Variants in KDM2B observed in about 807,000 individuals in gnomAD.
KDM2B encodes the protein lysine demethylase 2B.
Under a neutral mutation model 150.0 loss-of-function variants are expected in KDM2B, and 26 were observed. That is an observed-to-expected ratio of 0.17 (90% CI 0.13 to 0.24). The LOEUF is 0.24. Ranked by LOEUF, KDM2B falls within the 10% of genes least tolerant of loss-of-function variation. The probability of loss-of-function intolerance (pLI) is 1.00; values close to 1 mark genes in which losing one functional copy is unlikely to be tolerated. For synonymous variants in KDM2B, 734 were observed against 729.5 expected (o/e 1.01, Z -0.10); for missense variants, 1,265 against 1,816.9 (o/e 0.70, Z 5.52).
At chr12:121,427,088 C>T (rs1333084949), downstream of KDM2B, among the ~76,000 whole-genome samples, 1 of 152,300 alleles carries the variant, frequency 6.6e-6, no homozygotes, top group Middle Eastern at 3.4e-3. Context: ...GAGGAAGGGA[C>T]AGAGCCTCTT....
intron 9 of KDM2B, chr12:121,516,540 G>A (rs1459190766): frequency 1.8e-5 from 26 of 1,434,362 alleles, no homozygotes; most frequent in African/African-American, 4.3e-5. Flanking sequence ...TTAAACATAC[G>A]GTTGCTCAAC....
the KDM2B span, chr12:121,420,574 C>T: frequency 6.2e-7 from 1 of 1,614,014 alleles, no homozygotes. Context: ...TCTGTGGTTT[C>T]AGAACCCCGG....
At chr12:121,475,309 C>T (rs1881245431) in intron 12 of KDM2B, among the ~76,000 whole-genome samples, 1 of 151,312 alleles carries the variant, frequency 6.6e-6, no homozygotes, top group African/African-American at 2.4e-5. Flanking sequence ...AACTTGGAGG[C>T]CAGGTGTGGA....
rs985286343 is a variant in KDM2B at position 121,521,209 on chromosome 12, G to A, written c.932-109C>T. 5 of 722,818 alleles carry A rather than the reference G, an allele frequency of 6.9e-6. No individual in the cohort carries two copies. Among genetic ancestry groups the A allele is most frequent in the African/African-American group, 1.8e-5 (1 of 56,790 alleles). 44.8% of individuals were successfully genotyped at this position (722,818 alleles called of 1,614,324 possible). ...AGCGTGCAGGAGGGTGCAGGGAGTG[G>A]AGAAGAGCAGCCAGGGCCTGGGGCA... On this transcript the variant is annotated intron_variant, in intron 8 of 22. Transcript: ENST00000377071. The surrounding 1 kb of genome is among the most constrained non-coding windows in gnomAD (Gnocchi z 4.9).
intron 6 of KDM2B, chr12:121,536,073 T>G: frequency 1.0e-6 from 1 of 985,768 alleles, no homozygotes; most frequent in South Asian, 4.7e-5. Context: ...AGGGAAGGAA[T>G]GGGGCGGGGA....
In KDM2B at chr12:121,519,329, G is replaced by A; in HGVS notation, c.1047+1656C>T. ...GGCTTGGTACAGAGCAGGTGCCCTTGTGAGACCTCTCCTTAGATCTATGCA... is the reference window on the plus strand; with the variant it reads ...GGCTTGGTACAGAGCAGGTGCCCTTATGAGACCTCTCCTTAGATCTATGCA... On this transcript the variant is annotated intron_variant, in intron 9 of 22. Transcript: ENST00000377071. 1.3e-5 allele frequency among the ~76,000 whole-genome samples: 2 copies of A among 152,236 alleles called. 1 individual carries two copies. Among genetic ancestry groups the A allele is most frequent in the East Asian group, 3.8e-4 (2 of 5,204 alleles).
intron 1 of KDM2B, chr12:121,580,439 G>A: frequency 8.6e-7 from 1 of 1,161,916 alleles, no homozygotes; most frequent in Non-Finnish European, 1.1e-6. Context: ...TAGCGCCGTG[G>A]CATCGCTGTT....
chr12:121,566,401 C>T (rs1890707440), intron 4 of KDM2B, among the ~76,000 whole-genome samples: 1 of 152,082 alleles, frequency 6.6e-6, no homozygotes, highest in Admixed American at 6.6e-5. Context: ...GCAGGCAGGT[C>T]ACCTGAGGCC....
chr12:121,568,927 A>G (rs1890901790), intron 4 of KDM2B, among the ~76,000 whole-genome samples: 1 of 150,660 alleles, frequency 6.6e-6, no homozygotes, highest in Non-Finnish European at 1.5e-5. Flanking sequence ...GAAAAGCCCA[A>G]TTTTAGGACA....
At chr12:121,421,383 A>ACAAC in the KDM2B span, among the ~76,000 whole-genome samples, 1 of 147,500 alleles carries the variant, frequency 6.8e-6, no homozygotes, top group Non-Finnish European at 1.5e-5. Context: ...AAAAAAAAAA[A>ACAAC]AAAAAAAAAA....
At position 121,520,959 on chromosome 12, in the gene KDM2B, G is replaced by C; in HGVS notation, c.1047+26C>G. On this transcript the variant is annotated intron_variant, in intron 9 of 22. Coordinates refer to ENST00000377071, the MANE Select transcript of KDM2B (RefSeq NM_032590.5). This position sits in a 1 kb window ranked among gnomAD's most constrained non-coding sequence, Gnocchi z 4.5. Reference sequence around the variant, plus strand: ...CAGAGCTCAGGGGCCAGGCGCGCACGCGAGGACAGAAGGGAACCTCCTTAC... The same window carrying C: ...CAGAGCTCAGGGGCCAGGCGCGCACCCGAGGACAGAAGGGAACCTCCTTAC... 1.3e-6 allele frequency: 2 copies of C among 1,584,870 alleles called. No homozygotes were observed. Among genetic ancestry groups the C allele is most frequent in the Non-Finnish European group, 1.7e-6 (2 of 1,153,854 alleles).
At chr12:121,475,977 A>G (rs920031264) in intron 12 of KDM2B, among the ~76,000 whole-genome samples, 5 of 151,426 alleles carry the variant, frequency 3.3e-5, no homozygotes, top group African/African-American at 1.2e-4. Flanking sequence ...CAGCCTGAGC[A>G]ATAGAGTGAG....
rs1886679286 is a variant in KDM2B at position 121,521,418 on chromosome 12, CAG to C, written c.932-320_932-319del. On this transcript the variant is annotated intron_variant, in intron 8 of 22. Coordinates refer to ENST00000377071, the MANE Select transcript of KDM2B (RefSeq NM_032590.5). This position sits in a 1 kb window ranked among gnomAD's most constrained non-coding sequence, Gnocchi z 4.9. The stretch of plus-strand genomic sequence containing the variant: ...CTGGGGACCTGGCTGCAATGGCCAG[CAG>C]AGAGGCAGGCCCTTTCTCCACCTCC... Among the ~76,000 whole-genome samples, 1 of 152,176 alleles carries C rather than the reference CAG, an allele frequency of 6.6e-6. No individual in the cohort carries two copies. The highest frequency in any genetic ancestry group is 1.5e-5 in the Non-Finnish European group (1 of 68,018).
At chr12:121,559,707 C>A (rs1387660937) in intron 4 of KDM2B, among the ~76,000 whole-genome samples, 3 of 151,966 alleles carry the variant, frequency 2.0e-5, no homozygotes, top group African/African-American at 7.3e-5. Context: ...TCGAGACCAG[C>A]CTGACCAACA....
rs1322520719 is a variant in KDM2B, at chr12:121,580,971, A to G, written c.-60T>C. On this transcript the variant is annotated 5_prime_UTR_variant, in exon 1 of 23. Transcript: ENST00000377071. Reference sequence around the variant, plus strand: ...TAGCTCGGCTTCCATACCTATAAGGACTGCCTAACTTTTAAACTCCCGGCA... The same window carrying G: ...TAGCTCGGCTTCCATACCTATAAGGGCTGCCTAACTTTTAAACTCCCGGCA... 1 of 1,578,564 alleles carries G rather than the reference A, an allele frequency of 6.3e-7. No homozygotes were observed. Among genetic ancestry groups the G allele is most frequent in the Admixed American group, 1.9e-5 (1 of 53,660 alleles).
chr12:121,474,756 C>T (rs1055854512), intron 12 of KDM2B, among the ~76,000 whole-genome samples: 1 of 152,060 alleles, frequency 6.6e-6, no homozygotes, highest in African/African-American at 2.4e-5. Context: ...AGTTGGAGAC[C>T]AACCTGGCAA....
chr12:121,580,726 C>T (rs1274247173), intron 1 of KDM2B, 60 bp downstream of exon 1: 2 of 1,579,948 alleles, frequency 1.3e-6, no homozygotes, highest in Non-Finnish European at 1.7e-6. Context: ...CCGTTCCTGC[C>T]CTCATTGCCC....
chr12:121,485,416 G>A (rs1399919594), intron 12 of KDM2B, among the ~76,000 whole-genome samples: 1 of 152,092 alleles, frequency 6.6e-6, no homozygotes, highest in East Asian at 1.9e-4. Context: ...CCTCAAACCA[G>A]CAGTAGAAGC....
intron 11 of KDM2B, among the ~76,000 whole-genome samples, chr12:121,497,406 G>C (rs1884085617): frequency 6.6e-6 from 1 of 152,088 alleles, no homozygotes; most frequent in Non-Finnish European, 1.5e-5. Context: ...CCAGGTTCAA[G>C]CGAGTCTCCT....
Sources: allele counts gnomAD v4.1 joint callset (sites outside exome capture counted in the v4.1 genomes callset), GRCh38; gene constraint gnomAD v4.1.1; non-coding constraint Gnocchi (gnomAD v3.1); transcripts MANE v1.5; gene names NCBI Gene and HGNC (gene_info 2026-07-23, HGNC 2026-07-21).